The following CDH4 variants were observed in gnomAD, a reference collection of about 807,000 sequenced individuals.
CDH4 encodes the protein cadherin 4, also known as cadherin-4.
A neutral mutation model predicts 86.0 loss-of-function variants in CDH4; 33 were observed. The observed-to-expected ratio is 0.38, with a 90% CI of 0.29 to 0.51. The LOEUF (loss-of-function observed/expected upper bound fraction) is 0.51, where lower values mean the gene tolerates loss of function less well. CDH4 is among the 20% of genes least tolerant of loss of function. The pLI, the probability that CDH4 is intolerant of heterozygous loss-of-function variation, is 0.86. For missense variants in CDH4, 1,114 were observed against 1,307.4 expected (o/e 0.85, Z 2.28); for synonymous variants, 555 against 549.4 (o/e 1.01, Z -0.14).
chr20:61,478,795 T>C (rs2085553487), intron 2 of CDH4, among the ~76,000 whole-genome samples: 1 of 152,246 alleles, frequency 6.6e-6, no homozygotes, highest in Non-Finnish European at 1.5e-5. Flanking sequence ...CTTTTGTAGT[T>C]AGCGTTTCTG....
chr20:61,253,931 C>T (rs1470423942), intron 1 of CDH4, among the ~76,000 whole-genome samples: 1 of 152,224 alleles, frequency 6.6e-6, no homozygotes, highest in African/African-American at 2.4e-5. Flanking sequence ...CGCTGTGCTC[C>T]TGCTCCTTCA....
rs2087554468 is a variant in CDH4, at chr20:61,684,667, A to G, written c.170-58896A>G. Among the ~76,000 whole-genome samples, 1 of 151,958 alleles carries G rather than the reference A, an allele frequency of 6.6e-6. No individual in the cohort carries two copies. Among genetic ancestry groups the G allele is most frequent in the Admixed American group, 6.6e-5 (1 of 15,266 alleles). On this transcript the variant is annotated intron_variant, in intron 2 of 15. Coordinates refer to ENST00000614565, the MANE Select transcript of CDH4 (RefSeq NM_001794.5). This position sits in a 1 kb window ranked among gnomAD's most constrained non-coding sequence, Gnocchi z 4.5. ...TTCTTGGGTAGTTTCATTTTATCTCAAAGTCTTACAAACCATCTTAGCGTT... is the reference window on the plus strand; with the variant it reads ...TTCTTGGGTAGTTTCATTTTATCTCGAAGTCTTACAAACCATCTTAGCGTT...
At chr20:61,267,374 T>C (rs1320861143) in intron 2 of CDH4, among the ~76,000 whole-genome samples, 1 of 152,144 alleles carries the variant, frequency 6.6e-6, no homozygotes, top group East Asian at 1.9e-4. Flanking sequence ...CCCCAGGGGC[T>C]GCATCCCTTG....
rs568815135 is a variant in CDH4 at position 61,272,584 on chromosome 20, T to C, written c.169+17647T>C. 2.6e-5 allele frequency among the ~76,000 whole-genome samples: 4 copies of C among 152,300 alleles called. No homozygotes were observed. In the South Asian group the frequency reaches 8.3e-4, roughly 32 times the overall value. ...AAAATGGCACCATCAATGAATGCAT[T>C]GTTTGTTGCAGAAGTTCCTGGTCAC... On this transcript the variant is annotated intron_variant, in intron 2 of 15. Coordinates refer to ENST00000614565, the MANE Select transcript of CDH4 (RefSeq NM_001794.5).
intron 2 of CDH4, among the ~76,000 whole-genome samples, chr20:61,653,948 G>A (rs1351305089): frequency 6.0e-5 from 9 of 150,918 alleles, no homozygotes; most frequent in African/African-American, 1.7e-4. Flanking sequence ...AGACTGGGCA[G>A]CCAGGCAGAG....
At chr20:61,352,410 G>A (rs2084718073) in intron 2 of CDH4, among the ~76,000 whole-genome samples, 1 of 152,210 alleles carries the variant, frequency 6.6e-6, no homozygotes, top group African/African-American at 2.4e-5. Flanking sequence ...ATGAGAGCCA[G>A]TGTTTTTCCA....
intron 2 of CDH4, among the ~76,000 whole-genome samples, chr20:61,482,874 C>T (rs777340813): frequency 5.9e-5 from 9 of 152,206 alleles, no homozygotes; most frequent in Admixed American, 1.3e-4. Flanking sequence ...TCCGCACGTC[C>T]GCCCTGTGTG....
intron 9 of CDH4, among the ~76,000 whole-genome samples, chr20:61,919,154 A>G: frequency 6.6e-6 from 1 of 152,216 alleles, no homozygotes; most frequent in East Asian, 1.9e-4. Context: ...TACAGGCATG[A>G]GCCACCGCAC....
At chr20:61,600,017 G>A (rs560955806) in intron 2 of CDH4, 104 of 906,862 alleles carry the variant, frequency 1.1e-4, no homozygotes, top group Non-Finnish European at 1.3e-4. Flanking sequence ...TGGGGAAAGT[G>A]TGAAGGGTTT....
chr20:61,258,358 AG>A (rs2084112309), intron 2 of CDH4, among the ~76,000 whole-genome samples: 3 of 150,276 alleles, frequency 2.0e-5, no homozygotes, highest in East Asian at 1.9e-4. Context: ...AAAAAAAAAA[AG>A]AAAGAGGAGC....
chr20:61,453,356 C>T (rs1340227797), intron 2 of CDH4, among the ~76,000 whole-genome samples: 1 of 152,144 alleles, frequency 6.6e-6, no homozygotes, highest in East Asian at 1.9e-4. Flanking sequence ...GGCGGCCCAG[C>T]AGAGACGTCA....
intron 4 of CDH4, among the ~76,000 whole-genome samples, chr20:61,816,072 C>T (rs768898647): frequency 2.1e-4 from 32 of 152,292 alleles, no homozygotes; most frequent in Admixed American, 5.9e-4. Flanking sequence ...CCCAGGAAGT[C>T]CAGGAGCAAG....
chr20:61,258,339 A>AAAAAAAG lies in CDH4; in HGVS notation c.169+3409_169+3415dup, dbSNP rs1257798186. On this transcript the variant is annotated intron_variant, in intron 2 of 15. Coordinates refer to ENST00000614565, the MANE Select transcript of CDH4 (RefSeq NM_001794.5). ...AACGAGACTCCGTCTCAAAAAAAAAAAAAAAAGAAAAAAAAAAAAGAAAGA... is the reference window on the plus strand; with the variant it reads ...AACGAGACTCCGTCTCAAAAAAAAAAAAAAAAGAAAAAAGAAAAAAAAAAAAGAAAGA... Among the ~76,000 whole-genome samples, 58 of 139,294 alleles carry AAAAAAAG rather than the reference A, an allele frequency of 4.2e-4. 3 individuals are homozygous for AAAAAAAG. Among genetic ancestry groups the AAAAAAAG allele is most frequent in the East Asian group, 1.2e-3 (6 of 5,046 alleles). 91.4% of individuals were successfully genotyped at this position (139,294 alleles called of 152,430 possible).
chr20:61,769,128 C>T (rs1449646392), intron 3 of CDH4, among the ~76,000 whole-genome samples: 1 of 152,208 alleles, frequency 6.6e-6, no homozygotes, highest in Non-Finnish European at 1.5e-5. Context: ...TCTGTCCAGG[C>T]TGCCTGCCCT....
chr20:61,851,108 G>A (rs1401085440), intron 5 of CDH4, among the ~76,000 whole-genome samples: 2 of 152,244 alleles, frequency 1.3e-5, no homozygotes, highest in African/African-American at 4.8e-5. Context: ...TGCCCGCGAC[G>A]GGGCGGGGAC....
Position 61,517,899 on chromosome 20 carries a change from C to T in CDH4, c.170-225664C>T, listed in dbSNP as rs2085834194. The stretch of plus-strand genomic sequence containing the variant: ...TGCCTCACAAAACCCATATACCCCT[C>T]AGGGTCCCTCCCCCAAATGCACAGA... On this transcript the variant is annotated intron_variant, in intron 2 of 15. Coordinates refer to ENST00000614565, the MANE Select transcript of CDH4 (RefSeq NM_001794.5). The surrounding 1 kb of genome is among the most constrained non-coding windows in gnomAD (Gnocchi z 6.6). Among the ~76,000 whole-genome samples the T allele has an allele frequency of 1.3e-5, 2 of 152,204 alleles. No homozygotes were observed. Among genetic ancestry groups the T allele is most frequent in the Admixed American group, 1.3e-4 (2 of 15,288 alleles).
chr20:61,472,207 A>G (rs1404405627), intron 2 of CDH4, among the ~76,000 whole-genome samples: 1 of 152,218 alleles, frequency 6.6e-6, no homozygotes, highest in Non-Finnish European at 1.5e-5. Flanking sequence ...ATATGTATTT[A>G]TAATTGTTAC....
intron 2 of CDH4, among the ~76,000 whole-genome samples, chr20:61,408,162 G>A (rs192291798): frequency 6.6e-6 from 1 of 152,010 alleles, no homozygotes; most frequent in African/African-American, 2.4e-5. Context: ...TCTTATAAGG[G>A]TCCCTGAGAT....
chr20:61,665,192 G>T (rs1316451408), intron 2 of CDH4, among the ~76,000 whole-genome samples: 1 of 152,236 alleles, frequency 6.6e-6, no homozygotes, highest in Non-Finnish European at 1.5e-5. Flanking sequence ...TGGCGTCTTG[G>T]TCACACATCA....
Sources: gnomAD v4.1 joint callset for allele counts (sites outside exome capture counted in the v4.1 genomes callset) on GRCh38, gnomAD v4.1.1 for gene constraint, Gnocchi (gnomAD v3.1) non-coding constraint, MANE v1.5 for transcripts, NCBI Gene and HGNC (gene_info 2026-07-23, HGNC 2026-07-21) for gene names.